TAOK1: variants seen among roughly 807,000 people sequenced by gnomAD.
The protein encoded by TAOK1 is TAO kinase 1.
Under a neutral mutation model 138.3 loss-of-function variants are expected in TAOK1, and 21 were observed. The observed-to-expected ratio is 0.15, with a 90% CI of 0.11 to 0.22. TAOK1 has a LOEUF of 0.22. Among genes scored for constraint, TAOK1 ranks in the 10% least tolerant of loss-of-function variants. The pLI is 1.00. For missense variants in TAOK1, 651 were observed against 1,227.7 expected (o/e 0.53, Z 7.02); for synonymous variants, 361 against 398.4 (o/e 0.91, Z 1.12).
At chr17:29,489,451 T>C (rs902274619) in intron 8 of TAOK1, among the ~76,000 whole-genome samples, 3 of 152,076 alleles carry the variant, frequency 2.0e-5, no homozygotes, top group Non-Finnish European at 2.9e-5. Context: ...TGAGCCGAGA[T>C]TGTGCCACTG....
chr17:29,503,129 G>A (rs1053551001), intron 13 of TAOK1, among the ~76,000 whole-genome samples: 2 of 152,172 alleles, frequency 1.3e-5, no homozygotes, highest in Non-Finnish European at 2.9e-5. Flanking sequence ...GGGCACAGTG[G>A]CTCATGCCTG....
chr17:29,500,884 T>C (rs1173052666), intron 12 of TAOK1, among the ~76,000 whole-genome samples: 2 of 152,112 alleles, frequency 1.3e-5, no homozygotes, highest in Admixed American at 6.6e-5. Flanking sequence ...AGGACAAATA[T>C]TGTATAATTA....
chr17:29,498,292 C>T, intron 11 of TAOK1, 26 bp from the exon 12 acceptor site: 1 of 1,612,050 alleles, frequency 6.2e-7, no homozygotes, highest in Non-Finnish European at 8.5e-7. Flanking sequence ...AATATTTGAA[C>T]TGAACTGAAT....
intron 16 of TAOK1, among the ~76,000 whole-genome samples, chr17:29,520,047 G>A (rs2031887286): frequency 6.6e-6 from 1 of 151,972 alleles, no homozygotes; most frequent in Non-Finnish European, 1.5e-5. Flanking sequence ...TGGGTGTGGT[G>A]GTGCATGCCT....
intron 18 of TAOK1, 98 bp from the exon 19 acceptor site, chr17:29,534,020 G>A: frequency 1.5e-6 from 2 of 1,290,552 alleles, no homozygotes; most frequent in Non-Finnish European, 2.0e-6. Context: ...AAAAAGAGTA[G>A]TCTGTCTTCT....
At chr17:29,433,571 G>A (rs1048909422) in intron 1 of TAOK1, among the ~76,000 whole-genome samples, 1 of 152,118 alleles carries the variant, frequency 6.6e-6, no homozygotes, top group Non-Finnish European at 1.5e-5. Flanking sequence ...CAGTTTAAAG[G>A]GTGAGTAAAG....
chr17:29,483,310 T>C (rs2031101082), intron 8 of TAOK1, among the ~76,000 whole-genome samples: 1 of 152,116 alleles, frequency 6.6e-6, no homozygotes, highest in Non-Finnish European at 1.5e-5. Flanking sequence ...ACTCCTGGGC[T>C]CAAGCTATCC....
chr17:29,501,127 A>G (rs1422612841), intron 12 of TAOK1, among the ~76,000 whole-genome samples: 1 of 151,092 alleles, frequency 6.6e-6, no homozygotes, highest in Non-Finnish European at 1.5e-5. Context: ...GCTCATTCCT[A>G]TAATCCCAGC....
intron 13 of TAOK1, among the ~76,000 whole-genome samples, chr17:29,504,176 C>G (rs1291886994): frequency 7.1e-6 from 1 of 140,966 alleles, no homozygotes. Flanking sequence ...ACTTGGGAGA[C>G]TGAGTCAGGA....
chr17:29,529,955 A>C (rs776580648), intron 17 of TAOK1, among the ~76,000 whole-genome samples: 21 of 151,736 alleles, frequency 1.4e-4, no homozygotes, highest in Non-Finnish European at 2.5e-4. Context: ...TGAGCATAGG[A>C]GGTTGAGGCT....
chr17:29,477,787 C>A, intron 5 of TAOK1, 81 bp downstream of exon 5: 1 of 871,550 alleles, frequency 1.1e-6, no homozygotes, highest in Non-Finnish European at 1.6e-6. Flanking sequence ...GATATTAATA[C>A]CAAATAATGT....
chr17:29,440,397 C>G (rs1221537726), intron 1 of TAOK1, among the ~76,000 whole-genome samples: 1 of 152,068 alleles, frequency 6.6e-6, no homozygotes, highest in African/African-American at 2.4e-5. Flanking sequence ...GTGTTGTAGT[C>G]TGCTCCACAA....
At chr17:29,510,521 A>T (rs561330365) in intron 14 of TAOK1, among the ~76,000 whole-genome samples, 1 of 152,352 alleles carries the variant, frequency 6.6e-6, no homozygotes, top group South Asian at 2.1e-4. Flanking sequence ...CATGTATTGC[A>T]TATAGAATCA....
At chr17:29,397,731 A>G (rs114006099) in intron 1 of TAOK1, among the ~76,000 whole-genome samples, 2 of 137,818 alleles carry the variant, frequency 1.5e-5, no homozygotes, top group South Asian at 2.1e-4. Context: ...ATGTATATAC[A>G]TATATACACG....
At chr17:29,468,838 C>T (rs1264248193) in intron 3 of TAOK1, among the ~76,000 whole-genome samples, 8 of 152,150 alleles carry the variant, frequency 5.3e-5, no homozygotes, top group Admixed American at 1.3e-4. Context: ...CGTGAGCCAC[C>T]GCACCTAGCC....
Position 29,495,701 on chromosome 17 carries a change from G to A in TAOK1, c.973G>A (p.Ala325Thr), listed in dbSNP as rs1203552093. ...LLFQEAHNGPAVEAQEEEEEQ... is the reference protein window; with the variant it reads ...LLFQEAHNGPTVEAQEEEEEQ... ...TTTCCAGGAGGCACATAATGGACCA[G>A]CAGTAGAAGCACAGGAAGAAGAAGA... The change falls in exon 11 of 20, where the codon GCA becomes ACA. Residue 325 changes from alanine to threonine, a missense_variant. Coordinates refer to ENST00000261716, the MANE Select transcript of TAOK1 (RefSeq NM_020791.4). 2.5e-6 allele frequency: 4 copies of A among 1,605,756 alleles called. No individual in the cohort carries two copies. Among genetic ancestry groups the A allele is most frequent in the South Asian group, 1.1e-5 (1 of 89,956 alleles).
intron 2 of TAOK1, among the ~76,000 whole-genome samples, chr17:29,459,575 C>T (rs1212785872): frequency 6.6e-6 from 1 of 152,146 alleles, no homozygotes; most frequent in Non-Finnish European, 1.5e-5. Flanking sequence ...CCACACCCGG[C>T]CTCATTCTTT....
intron 19 of TAOK1, among the ~76,000 whole-genome samples, chr17:29,541,576 G>T (rs1034857700): frequency 1.0e-4 from 15 of 150,458 alleles, no homozygotes; most frequent in African/African-American, 1.7e-4. Context: ...AGCAGTTCAA[G>T]ATCAGCCTTG....
At chr17:29,538,034 C>G (rs2032252993) in intron 19 of TAOK1, among the ~76,000 whole-genome samples, 1 of 150,742 alleles carries the variant, frequency 6.6e-6, no homozygotes. Context: ...ATCGCTTCAA[C>G]CTGGGAGGCA....
Sources: allele counts gnomAD v4.1 joint callset (sites outside exome capture counted in the v4.1 genomes callset), GRCh38; gene constraint gnomAD v4.1.1; transcripts MANE v1.5; gene names NCBI Gene and HGNC (gene_info 2026-07-23, HGNC 2026-07-21).